Variants in SKA1 observed in about 807,000 individuals in gnomAD.
SKA1 encodes SKA complex subunit 1.
A neutral mutation model predicts 31.8 loss-of-function variants in SKA1; 20 were observed. The observed-to-expected ratio is 0.63, with a 90% CI of 0.44 to 0.91. SKA1 has a LOEUF of 0.91. Ranked by LOEUF, SKA1 falls within the 40% of genes least tolerant of loss-of-function variation. SKA1 has a pLI of 0.00. For synonymous variants in SKA1, 88 were observed against 100.5 expected (o/e 0.88, Z 0.74); for missense variants, 253 against 298.2 (o/e 0.85, Z 1.12).
chr18:50,391,561 G>A (rs2041357400), intron 6 of SKA1, among the ~76,000 whole-genome samples: 1 of 152,180 alleles, frequency 6.6e-6, no homozygotes, highest in South Asian at 2.1e-4. Context: ...AAATTCTCTG[G>A]CTCACAGTGT....
chr18:50,384,871 T>TTAAAAAAAAAAAAAAAAAAG (rs2041291752), intron 4 of SKA1, among the ~76,000 whole-genome samples: 2 of 82,600 alleles, frequency 2.4e-5, no homozygotes, highest in Admixed American at 1.6e-4. Context: ...AAAAAAAAAT[T>TTAAAAAAAAAAAAAAAAAAG]AAAAAAAAAA....
chr18:50,377,144 G>C (rs543269770), intron 2 of SKA1, among the ~76,000 whole-genome samples: 2 of 151,766 alleles, frequency 1.3e-5, no homozygotes, highest in South Asian at 4.2e-4. Flanking sequence ...CAATTATTAT[G>C]TACTATACAT....
intron 5 of SKA1, among the ~76,000 whole-genome samples, chr18:50,388,174 G>A (rs571483147): frequency 8.5e-5 from 13 of 152,132 alleles, no homozygotes; most frequent in Non-Finnish European, 1.5e-4. Context: ...TGCAAGCTCC[G>A]CCTCCCAGGT....
At chr18:50,388,696 C>T (rs948898580) in intron 5 of SKA1, among the ~76,000 whole-genome samples, 3 of 152,114 alleles carry the variant, frequency 2.0e-5, no homozygotes, top group Non-Finnish European at 4.4e-5. Flanking sequence ...AGTAGTTTTC[C>T]TTGAGGGCAG....
chr18:50,384,871 T>TAAAAAAAAAAAAAAAAAAGAAAAAAAA (rs2041292028), intron 4 of SKA1, among the ~76,000 whole-genome samples: 1 of 82,600 alleles, frequency 1.2e-5, no homozygotes. Context: ...AAAAAAAAAT[T>TAAAAAAAAAAAAAAAAAAGAAAAAAAA]AAAAAAAAAA....
chr18:50,385,966 A>G (rs563667134), intron 5 of SKA1, among the ~76,000 whole-genome samples: 1 of 151,584 alleles, frequency 6.6e-6, no homozygotes, highest in Non-Finnish European at 1.5e-5. Context: ...TTATACGAAT[A>G]ATACATGTTA....
intron 2 of SKA1, among the ~76,000 whole-genome samples, chr18:50,379,689 C>G (rs1409828024): frequency 2.0e-5 from 3 of 152,168 alleles, no homozygotes; most frequent in Non-Finnish European, 4.4e-5. Flanking sequence ...TCCTGTCCAG[C>G]ATTGCTCCAC....
At chr18:50,380,013 C>A in intron 2 of SKA1, 113 bp from the exon 3 acceptor site, 2 of 883,540 alleles carry the variant, frequency 2.3e-6, no homozygotes, top group Non-Finnish European at 3.2e-6. Context: ...AGCAGTAGAC[C>A]TTTTTCCACC....
intron 2 of SKA1, among the ~76,000 whole-genome samples, chr18:50,376,884 AT>A (rs2041221347): frequency 6.6e-6 from 1 of 151,520 alleles, no homozygotes; most frequent in Non-Finnish European, 1.5e-5. Context: ...GCCTAGGCCT[AT>A]GCAGGGTCAG....
At chr18:50,387,833 C>A (rs56222346) in intron 5 of SKA1, among the ~76,000 whole-genome samples, 4,635 of 152,298 alleles carry the variant, frequency 0.03, 69 homozygotes, top group Non-Finnish European at 0.04. Context: ...TGGTTTGATA[C>A]TTCCAAAATC....
intron 5 of SKA1, among the ~76,000 whole-genome samples, chr18:50,390,495 G>C (rs989264981): frequency 6.6e-6 from 1 of 152,234 alleles, no homozygotes; most frequent in South Asian, 2.1e-4. Flanking sequence ...AGAATTCAGA[G>C]TGAAAGAGAG....
chr18:50,388,772 C>A (rs895055669), intron 5 of SKA1, among the ~76,000 whole-genome samples: 7 of 152,146 alleles, frequency 4.6e-5, no homozygotes, highest in Non-Finnish European at 7.4e-5. Context: ...ATTACTTTTT[C>A]CTTCCTCTTG....
intron 6 of SKA1, 108 bp from the exon 7 acceptor site, chr18:50,391,991 T>A: frequency 2.7e-6 from 2 of 753,614 alleles, no homozygotes; most frequent in South Asian, 5.5e-5. Flanking sequence ...TTTTATTGGA[T>A]ACTAACAGTA....
intron 3 of SKA1, 75 bp downstream of exon 3, chr18:50,380,325 G>C: frequency 7.2e-7 from 1 of 1,385,004 alleles, no homozygotes; most frequent in Middle Eastern, 1.9e-4. Context: ...TAATTTTTAA[G>C]GATGCTTTGT....
chr18:50,377,914 G>A (rs1030958354), intron 2 of SKA1, among the ~76,000 whole-genome samples: 14 of 70,352 alleles, frequency 2.0e-4, no homozygotes, highest in African/African-American at 6.0e-5. Context: ...AAAGCTAAAG[G>A]GACTGGGTTC....
At chr18:50,384,679 G>C (rs1396939252) in intron 4 of SKA1, among the ~76,000 whole-genome samples, 1 of 125,394 alleles carries the variant, frequency 8.0e-6, no homozygotes, top group African/African-American at 4.0e-5. Flanking sequence ...ACACAGGAAG[G>C]GGAATATCAC....
rs115160453 is a variant in SKA1, at chr18:50,388,943, A to G, written c.450-2181A>G. On this transcript the variant is annotated intron_variant, in intron 5 of 6. Coordinates refer to ENST00000285116, the MANE Select transcript of SKA1 (RefSeq NM_145060.4). ...AAGCTAGTTCAAACTGAGCCTTAGC[A>G]GTTTGTCCGTTACTATTTAAATGTT... Among the ~76,000 whole-genome samples, 480 of 152,224 alleles carry G rather than the reference A, an allele frequency of 3.2e-3. 3 individuals carry two copies. The highest frequency in any genetic ancestry group is 0.011 in the African/African-American group (467 of 41,526).
chr18:50,391,962 C>A, intron 6 of SKA1, 137 bp from the exon 7 acceptor site: 1 of 568,142 alleles, frequency 1.8e-6, no homozygotes, highest in Non-Finnish European at 3.0e-6. Context: ...ATTATTTTAG[C>A]AAGAATACTA....
intron 3 of SKA1, 101 bp downstream of exon 3, chr18:50,380,351 TTTATAAA>T: frequency 8.0e-7 from 1 of 1,252,078 alleles, no homozygotes; most frequent in South Asian, 1.7e-5. Flanking sequence ...ATGTTTTTTG[TTTATAAA>T]TTATTAATGG....
Sources: allele counts gnomAD v4.1 joint callset (sites outside exome capture counted in the v4.1 genomes callset), GRCh38; gene constraint gnomAD v4.1.1; transcripts MANE v1.5; gene names NCBI Gene and HGNC (gene_info 2026-07-23, HGNC 2026-07-21).